The following SLCO3A1 variants were observed in gnomAD, a reference collection of about 807,000 sequenced individuals.
SLCO3A1 encodes PGE1 transporter.
Under a neutral mutation model 63.1 loss-of-function variants are expected in SLCO3A1, and 27 were observed. The ratio of observed to expected loss-of-function variants is 0.43; its 90% confidence interval spans 0.32 to 0.59. SLCO3A1 has a LOEUF of 0.59. Ranked by LOEUF, SLCO3A1 falls within the 20% of genes least tolerant of loss-of-function variation. SLCO3A1 has a pLI of 0.09. For synonymous variants in SLCO3A1, 473 were observed against 409.9 expected (o/e 1.15, Z -1.86); for missense variants, 773 against 945.8 (o/e 0.82, Z 2.40).
chr15:92,043,853 C>T (rs544665111), intron 2 of SLCO3A1, among the ~76,000 whole-genome samples: 1 of 152,186 alleles, frequency 6.6e-6, no homozygotes, highest in South Asian at 2.1e-4. Flanking sequence ...TCCAGGGGAA[C>T]TCAGGGAAGC....
chr15:92,015,510 A>G (rs2046416173), intron 2 of SLCO3A1, among the ~76,000 whole-genome samples: 1 of 152,090 alleles, frequency 6.6e-6, no homozygotes. Flanking sequence ...CCATGATCCA[A>G]TCACCTCCTA....
At chr15:91,955,521 TG>T (rs1447243316) in intron 2 of SLCO3A1, among the ~76,000 whole-genome samples, 2 of 152,052 alleles carry the variant, frequency 1.3e-5, no homozygotes, top group Non-Finnish European at 2.9e-5. Context: ...TTGGTAGAGA[TG>T]GGGTTTCACT....
chr15:91,975,680 G>A (rs1351097081), intron 2 of SLCO3A1, among the ~76,000 whole-genome samples: 2 of 152,210 alleles, frequency 1.3e-5, no homozygotes, highest in African/African-American at 4.8e-5. Flanking sequence ...CCTGTCAGAC[G>A]TGCGTCTGCA....
intron 8 of SLCO3A1, among the ~76,000 whole-genome samples, chr15:92,147,960 T>TA (rs1275620065): frequency 6.6e-6 from 1 of 152,200 alleles, no homozygotes; most frequent in East Asian, 1.9e-4. Flanking sequence ...CTCATGCCTG[T>TA]AATCCCAGCA....
chr15:92,139,393 G>A (rs974776079), intron 7 of SLCO3A1, among the ~76,000 whole-genome samples: 2 of 151,958 alleles, frequency 1.3e-5, no homozygotes, highest in Non-Finnish European at 2.9e-5. Flanking sequence ...TTTTATTGAG[G>A]ATTTTGGCAT....
chr15:92,049,050 G>A lies in SLCO3A1; in HGVS notation c.647-45831G>A, dbSNP rs531018041. On this transcript the variant is annotated intron_variant, in intron 2 of 9. Coordinates refer to ENST00000318445, the MANE Select transcript of SLCO3A1 (RefSeq NM_013272.4). Reference sequence around the variant, plus strand: ...TGAAAGGATAACACAGGAAGTGCCAGGACCAAGATTTGATTCCAGGCTGGT... The same window carrying A: ...TGAAAGGATAACACAGGAAGTGCCAAGACCAAGATTTGATTCCAGGCTGGT... Among the ~76,000 whole-genome samples, 25 of 152,320 alleles carry A rather than the reference G, an allele frequency of 1.6e-4. No homozygotes were observed. In the South Asian group the frequency reaches 5.0e-3, roughly 30 times the overall value.
At chr15:91,884,165 A>T (rs1466200668) in intron 1 of SLCO3A1, among the ~76,000 whole-genome samples, 2 of 152,352 alleles carry the variant, frequency 1.3e-5, no homozygotes, top group African/African-American at 4.8e-5. Context: ...TGAGAGTTAG[A>T]GAAATTTTCT....
rs1246408762 is a variant in SLCO3A1, at chr15:91,948,026, C to G, written c.646+31568C>G. Among the ~76,000 whole-genome samples, 1 of 152,140 alleles carries G rather than the reference C, an allele frequency of 6.6e-6. No individual in the cohort carries two copies. The highest frequency in any genetic ancestry group is 1.5e-5 in the Non-Finnish European group (1 of 68,036). Reference sequence around the variant, plus strand: ...CTCCCAACTAGGTGTTCCAGCAGGGCCGTGGGAGCAGAAGCAGAATTCAGA... The same window carrying G: ...CTCCCAACTAGGTGTTCCAGCAGGGGCGTGGGAGCAGAAGCAGAATTCAGA... On this transcript the variant is annotated intron_variant, in intron 2 of 9. Coordinates refer to ENST00000318445, the MANE Select transcript of SLCO3A1 (RefSeq NM_013272.4). This position sits in a 1 kb window ranked among gnomAD's most constrained non-coding sequence, Gnocchi z 4.8.
chr15:92,153,324 T>C (rs946350234), intron 9 of SLCO3A1, among the ~76,000 whole-genome samples: 7 of 152,186 alleles, frequency 4.6e-5, no homozygotes, highest in Admixed American at 3.9e-4. Flanking sequence ...GTCTATTACA[T>C]GCTTTTAAAA....
At chr15:92,008,323 C>T (rs537672613) in intron 2 of SLCO3A1, among the ~76,000 whole-genome samples, 82 of 152,310 alleles carry the variant, frequency 5.4e-4, no homozygotes, top group African/African-American at 1.9e-3. Context: ...TCGTATCCCC[C>T]TTTCGCCGCC....
At chr15:92,134,669 A>C (rs546883613) in intron 7 of SLCO3A1, among the ~76,000 whole-genome samples, 2 of 152,298 alleles carry the variant, frequency 1.3e-5, no homozygotes, top group Admixed American at 1.3e-4. Context: ...CAAAAAACTA[A>C]ATTTTGCTTA....
At chr15:92,107,630 G>A (rs556473558) in intron 4 of SLCO3A1, among the ~76,000 whole-genome samples, 6 of 152,296 alleles carry the variant, frequency 3.9e-5, no homozygotes, top group East Asian at 3.9e-4. Flanking sequence ...TTTCTCATCC[G>A]TTTTGTCTGA....
chr15:91,920,557 T>A (rs977968787), intron 2 of SLCO3A1, among the ~76,000 whole-genome samples: 69 of 152,220 alleles, frequency 4.5e-4, no homozygotes, highest in African/African-American at 1.4e-3. Flanking sequence ...TGCTTTGAGC[T>A]GAGATGGCTG....
chr15:92,064,030 A>T (rs2047118880), intron 2 of SLCO3A1, among the ~76,000 whole-genome samples: 1 of 152,198 alleles, frequency 6.6e-6, no homozygotes, highest in African/African-American at 2.4e-5. Flanking sequence ...CTCTGAGGTT[A>T]TCAGTGACTG....
At chr15:92,152,065 G>A (rs1291945033) in intron 9 of SLCO3A1, among the ~76,000 whole-genome samples, 2 of 152,186 alleles carry the variant, frequency 1.3e-5, no homozygotes, top group African/African-American at 4.8e-5. Context: ...AAACAGGTCT[G>A]TAATGTAATA....
At position 92,163,552 on chromosome 15, in the gene SLCO3A1, AAATT is replaced by A. The variant is rs2048466894; in HGVS notation, c.*420_*423del. 3.3e-6 allele frequency: 3 copies of A among 910,770 alleles called. No individual in the cohort carries two copies. The highest frequency in any genetic ancestry group is 1.2e-4 in the East Asian group (1 of 8,482). The allele number at this position is 910,770 out of a possible 1,614,324, so 56.4% of individuals were successfully genotyped here. On this transcript the variant is annotated 3_prime_UTR_variant, in exon 10 of 10. Coordinates refer to ENST00000318445, the MANE Select transcript of SLCO3A1 (RefSeq NM_013272.4). ...TAAAAGAAGTTTCCTAAAATAAAAA[AAATT>A]AAAAAAAAAAAACCCACAAGTTGAA...
rs2141825674 is a variant in SLCO3A1, at chr15:91,854,119, C to T, written c.180+31C>T. 1.4e-6 allele frequency: 2 copies of T among 1,439,052 alleles called. No individual in the cohort carries two copies. The highest frequency in any genetic ancestry group is 2.9e-5 in the East Asian group (1 of 34,932). The allele number at this position is 1,439,052 out of a possible 1,614,324, so 89.1% of individuals were successfully genotyped here. A position where few individuals can be genotyped will look rare whatever the true frequency, so the allele number is the denominator to read the frequency against. On this transcript the variant is annotated intron_variant, in intron 1 of 9. Transcript: ENST00000318445. This position sits in a 1 kb window ranked among gnomAD's most constrained non-coding sequence, Gnocchi z 6.4. ...TCCCCGAGCCAACTCCGCCGCGGGC[C>T]CCTTCCCCAGCCCGGCTCTCGAGCG...
chr15:92,074,150 G>A (rs1269281303), intron 2 of SLCO3A1, among the ~76,000 whole-genome samples: 3 of 152,220 alleles, frequency 2.0e-5, no homozygotes, highest in African/African-American at 4.8e-5. Flanking sequence ...CAGCCTGGGC[G>A]ACAAGAGTGA....
intron 1 of SLCO3A1, among the ~76,000 whole-genome samples, chr15:91,906,118 T>A (rs1898299910): frequency 6.6e-6 from 1 of 152,206 alleles, no homozygotes; most frequent in Non-Finnish European, 1.5e-5. Flanking sequence ...CCTCATGGAA[T>A]CATAGTGGAG....
Sources: allele counts gnomAD v4.1 joint callset (sites outside exome capture counted in the v4.1 genomes callset), GRCh38; gene constraint gnomAD v4.1.1; non-coding constraint Gnocchi (gnomAD v3.1); transcripts MANE v1.5; gene names NCBI Gene and HGNC (gene_info 2026-07-23, HGNC 2026-07-21).